Variants in DNAAF11 observed in about 807,000 individuals in gnomAD.
DNAAF11 encodes leucine rich repeat containing 6.
DNAAF11 carries 45 observed loss-of-function variants against 60.8 expected under a neutral mutation model. The ratio of observed to expected loss-of-function variants is 0.74; its 90% CI spans 0.58 to 0.95. DNAAF11 has a LOEUF of 0.95. Among genes scored for constraint, DNAAF11 ranks in the 40% least tolerant of loss-of-function variants. The probability of loss-of-function intolerance (pLI) is 0.00; values close to 1 mark genes in which losing one functional copy is unlikely to be tolerated. For synonymous variants in DNAAF11, 191 were observed against 183.5 expected (o/e 1.04, Z -0.33); for missense variants, 546 against 546.2 (o/e 1.00, Z 0.00).
intron 11 of DNAAF11, among the ~76,000 whole-genome samples, chr8:132,581,661 C>CAAAAAAAAAAAAAAAAAAAAAAAAAAAA (rs59380140): frequency 1.2e-5 from 1 of 83,006 alleles, no homozygotes. Flanking sequence ...GACTCTGCCT[C>CAAAAAAAAAAAAAAAAAAAAAAAAAAAA]AAAAAAAAAA....
At chr8:132,657,063 C>T (rs779755976) in intron 2 of DNAAF11, among the ~76,000 whole-genome samples, 156 bp from the exon 3 acceptor site, 32 of 152,160 alleles carry the variant, frequency 2.1e-4, no homozygotes, top group Admixed American at 4.6e-4. Context: ...ACATCAGACA[C>T]GGTGGCTGCC....
At chr8:132,657,681 T>C (rs1310171812) in intron 2 of DNAAF11, among the ~76,000 whole-genome samples, 1 of 152,198 alleles carries the variant, frequency 6.6e-6, no homozygotes, top group Non-Finnish European at 1.5e-5. Flanking sequence ...TGCTGCAGAA[T>C]GGGGCCTTTG....
chr8:132,627,756 T>C (rs1820418607), intron 5 of DNAAF11, among the ~76,000 whole-genome samples: 1 of 151,944 alleles, frequency 6.6e-6, no homozygotes, highest in South Asian at 2.1e-4. Context: ...AGGTTCAGAG[T>C]CTTCCTGCCT....
chr8:132,635,864 G>C (rs915901429), intron 4 of DNAAF11, among the ~76,000 whole-genome samples: 1 of 152,110 alleles, frequency 6.6e-6, no homozygotes, highest in Non-Finnish European at 1.5e-5. Context: ...TTGTGAAGAG[G>C]AAGGCAGAGA....
At chr8:132,636,007 G>T (rs1821258082) in intron 4 of DNAAF11, among the ~76,000 whole-genome samples, 1 of 151,808 alleles carries the variant, frequency 6.6e-6, no homozygotes, top group Admixed American at 6.6e-5. Context: ...TCAACATCTT[G>T]AACTTGAACG....
intron 5 of DNAAF11, among the ~76,000 whole-genome samples, chr8:132,628,583 C>G (rs1334226081): frequency 6.6e-6 from 1 of 152,158 alleles, no homozygotes; most frequent in African/African-American, 2.4e-5. Context: ...GTTCATCTCC[C>G]TTTCTTGCAG....
At chr8:132,585,079 C>T (rs1421642653) in intron 10 of DNAAF11, among the ~76,000 whole-genome samples, 1 of 152,086 alleles carries the variant, frequency 6.6e-6, no homozygotes, top group Non-Finnish European at 1.5e-5. Context: ...AATAAATCCC[C>T]AAAGCCTAGC....
At chr8:132,633,553 T>C (rs1319430206) in intron 4 of DNAAF11, among the ~76,000 whole-genome samples, 1 of 152,204 alleles carries the variant, frequency 6.6e-6, no homozygotes, top group African/African-American at 2.4e-5. Flanking sequence ...CCCTGCCTTA[T>C]TCTGCAAAAT....
intron 3 of DNAAF11, among the ~76,000 whole-genome samples, chr8:132,649,869 C>T (rs1822821756): frequency 1.3e-5 from 2 of 152,178 alleles, no homozygotes; most frequent in Admixed American, 1.3e-4. Context: ...CAAGAAACAA[C>T]AGGTGCTGGA....
At chr8:132,648,909 C>T (rs1349751343) in intron 3 of DNAAF11, among the ~76,000 whole-genome samples, 1 of 152,088 alleles carries the variant, frequency 6.6e-6, no homozygotes, top group Non-Finnish European at 1.5e-5. Context: ...TAGGAAGAGT[C>T]GATATCGTGA....
At chr8:132,688,041 T>C in the DNAAF11 span, among the ~76,000 whole-genome samples, 1 of 152,210 alleles carries the variant, frequency 6.6e-6, no homozygotes, top group Admixed American at 6.5e-5. Flanking sequence ...TAATTCTTTT[T>C]TTCTAATTCT....
intron 10 of DNAAF11, among the ~76,000 whole-genome samples, chr8:132,608,707 C>T (rs931541493): frequency 3.3e-5 from 5 of 152,168 alleles, no homozygotes; most frequent in African/African-American, 1.2e-4. Context: ...TATCAAAGTA[C>T]TGAGGTAATT....
rs185799943 is a variant in DNAAF11 at position 132,639,215 on chromosome 8, T to C, written c.257-1108A>G. The stretch of plus-strand genomic sequence containing the variant: ...GCAGAAACCTTGCAGTTTCTTTCTA[T>C]GAGCTAAGAAGAGTTGACCTAGTTT... On this transcript the variant is annotated intron_variant, in intron 3 of 11. Transcript: ENST00000620350. Among the ~76,000 whole-genome samples, 44 of 152,298 alleles carry C rather than the reference T, an allele frequency of 2.9e-4. 1 individual carries two copies. Among genetic ancestry groups the C allele is most frequent in the Admixed American group, 2.7e-3 (41 of 15,300 alleles).
At chr8:132,600,381 C>G (rs1374169961) in intron 10 of DNAAF11, among the ~76,000 whole-genome samples, 1 of 152,188 alleles carries the variant, frequency 6.6e-6, no homozygotes, top group Non-Finnish European at 1.5e-5. Context: ...CCATCCCCAT[C>G]AAGCTACCAA....
intron 5 of DNAAF11, among the ~76,000 whole-genome samples, chr8:132,628,168 C>T (rs2130377012): frequency 6.6e-6 from 1 of 152,266 alleles, no homozygotes; most frequent in East Asian, 1.9e-4. Flanking sequence ...AATCCCAGCA[C>T]TTTGGGAGGC....
chr8:132,572,300 G>A lies in DNAAF11; in HGVS notation c.*6C>T, dbSNP rs770860820. The A allele has an allele frequency of 5.6e-6, 9 of 1,611,636 alleles. No homozygotes were observed. Among genetic ancestry groups the A allele is most frequent in the South Asian group, 1.1e-5 (1 of 90,562 alleles). On this transcript the variant is annotated 3_prime_UTR_variant, in exon 12 of 12. Transcript: ENST00000620350. Reference sequence around the variant, plus strand: ...GTCTCAGCCAATGGCAACGCAGCCAGATGTTTCAAATCAGCGGAGGCACTT... The same window carrying A: ...GTCTCAGCCAATGGCAACGCAGCCAAATGTTTCAAATCAGCGGAGGCACTT...
chr8:132,692,784 A>C, the DNAAF11 span, among the ~76,000 whole-genome samples: 1 of 152,030 alleles, frequency 6.6e-6, no homozygotes, highest in Admixed American at 6.5e-5. Flanking sequence ...GGCAAGCATT[A>C]CTCATTCCTG....
intron 1 of DNAAF11, among the ~76,000 whole-genome samples, chr8:132,669,361 C>A (rs954626594): frequency 1.3e-5 from 2 of 152,188 alleles, no homozygotes; most frequent in East Asian, 3.9e-4. Flanking sequence ...ATAGATAGTG[C>A]CTGGCCCAAG....
At chr8:132,666,839 G>T (rs112475495) in intron 1 of DNAAF11, among the ~76,000 whole-genome samples, 314 of 152,230 alleles carry the variant, frequency 2.1e-3, no homozygotes, top group African/African-American at 7.1e-3. Flanking sequence ...GGGTCATGTG[G>T]GTGGTCAGGG....
Sources: gnomAD v4.1 joint callset for allele counts (sites outside exome capture counted in the v4.1 genomes callset) on GRCh38, gnomAD v4.1.1 for gene constraint, MANE v1.5 for transcripts, NCBI Gene and HGNC (gene_info 2026-07-23, HGNC 2026-07-21) for gene names.